TAB2: variants seen among roughly 807,000 people sequenced by gnomAD.
TAB2 encodes TGF-beta activated kinase 1 (MAP3K7) binding protein 2.
A neutral mutation model predicts 65.0 loss-of-function variants in TAB2; 3 were observed. The ratio of observed to expected loss-of-function variants is 0.05; its 90% CI spans 0.02 to 0.12. The LOEUF (loss-of-function observed/expected upper bound fraction) is 0.12, where lower values mean the gene tolerates loss of function less well. TAB2 is among the 10% of genes least tolerant of loss of function. The pLI, the probability that TAB2 is intolerant of heterozygous loss-of-function variation, is 1.00. For synonymous variants in TAB2, 298 were observed against 285.1 expected (o/e 1.05, Z -0.46); for missense variants, 623 against 840.3 (o/e 0.74, Z 3.20).
In TAB2 at chr6:149,380,014, A is replaced by G. The variant is rs369553603; in HGVS notation, c.1603+496A>G. On this transcript the variant is annotated intron_variant, in intron 3 of 6. Coordinates refer to ENST00000637181, the MANE Select transcript of TAB2 (RefSeq NM_001292034.3). ...CAGTGCTTTGGGAGGCCAAGATGGG[A>G]GGATCATTTGAGCCCAGGAGTTTGA... 2.4e-3 allele frequency: 1,055 copies of G among 446,902 alleles called. 6 individuals are homozygous for G. The highest frequency in any genetic ancestry group is 3.9e-3 in the South Asian group (244 of 63,074). 27.7% of individuals were successfully genotyped at this position (446,902 alleles called of 1,614,324 possible).
intron 3 of TAB2, among the ~76,000 whole-genome samples, chr6:149,382,707 T>G (rs370853167): frequency 6.6e-6 from 1 of 152,252 alleles, no homozygotes; most frequent in Non-Finnish European, 1.5e-5. Context: ...GAAAGATATT[T>G]TAAGTGTATC....
At chr6:149,339,246 C>T (rs1462062805) in intron 1 of TAB2, among the ~76,000 whole-genome samples, 2 of 152,010 alleles carry the variant, frequency 1.3e-5, no homozygotes, top group East Asian at 3.9e-4. Context: ...GCCTGTAGTC[C>T]CAGCTACTTG....
chr6:149,391,689 G>T (rs143547362), intron 3 of TAB2, among the ~76,000 whole-genome samples: 1 of 151,878 alleles, frequency 6.6e-6, no homozygotes, highest in East Asian at 1.9e-4. Flanking sequence ...CTACAGGCGC[G>T]CGCCACCATG....
chr6:149,232,518 C>T (rs1703571800), intron 1 of TAB2, among the ~76,000 whole-genome samples: 2 of 152,134 alleles, frequency 1.3e-5, no homozygotes, highest in South Asian at 4.1e-4. Context: ...TGAGCCACCA[C>T]CCTCAGCCCA....
intron 1 of TAB2, among the ~76,000 whole-genome samples, chr6:149,235,256 G>C (rs908606395): frequency 6.6e-6 from 1 of 152,214 alleles, no homozygotes; most frequent in Non-Finnish European, 1.5e-5. Context: ...ATGACACACT[G>C]TAAGAGGGAC....
chr6:149,226,037 G>T (rs1050962001), intron 1 of TAB2, among the ~76,000 whole-genome samples: 6 of 151,996 alleles, frequency 3.9e-5, no homozygotes, highest in African/African-American at 1.4e-4. Context: ...GCGAAACAAG[G>T]GATTAAACTG....
intron 1 of TAB2, among the ~76,000 whole-genome samples, chr6:149,231,908 G>A (rs534563217): frequency 4.6e-5 from 7 of 152,132 alleles, no homozygotes; most frequent in South Asian, 2.1e-4. Context: ...ACAGAGTATC[G>A]GAGAGCAGGG....
At chr6:149,354,136 T>G (rs515133) in intron 1 of TAB2, among the ~76,000 whole-genome samples, 18,612 of 152,258 alleles carry the variant, frequency 0.12, 1,741 homozygotes, top group East Asian at 0.51. Context: ...TGGTCCCAGC[T>G]TCTGCTATCC....
At chr6:149,406,837 GC>G (rs1356162953) in intron 6 of TAB2, among the ~76,000 whole-genome samples, 2 of 152,082 alleles carry the variant, frequency 1.3e-5, no homozygotes, top group Non-Finnish European at 2.9e-5. Flanking sequence ...TCCTGCCTCA[GC>G]TTCCCAAGTA....
intron 1 of TAB2, among the ~76,000 whole-genome samples, chr6:149,353,689 C>T (rs1250125819): frequency 3.9e-5 from 6 of 152,176 alleles, no homozygotes; most frequent in Admixed American, 2.0e-4. Flanking sequence ...GTACAAAAAA[C>T]TTTTTGCGTA....
intron 1 of TAB2, among the ~76,000 whole-genome samples, chr6:149,274,696 G>A (rs538698976): frequency 1.4e-3 from 212 of 152,334 alleles, no homozygotes; most frequent in Non-Finnish European, 2.6e-3. Context: ...AAAAAAGGAA[G>A]ATCAGAGTTC....
chr6:149,310,205 A>C (rs573517983), intron 1 of TAB2, among the ~76,000 whole-genome samples: 58 of 151,990 alleles, frequency 3.8e-4, no homozygotes, highest in Non-Finnish European at 6.6e-4. Context: ...GCCTGATAGC[A>C]TGCCACCTGT....
intron 1 of TAB2, among the ~76,000 whole-genome samples, chr6:149,355,492 C>T (rs1338511817): frequency 1.3e-5 from 2 of 151,650 alleles, no homozygotes; most frequent in Non-Finnish European, 2.9e-5. Flanking sequence ...GTGGAGAAAC[C>T]CCCGTCTCTA....
intron 6 of TAB2, among the ~76,000 whole-genome samples, chr6:149,403,263 TATATATATATATATATATATACACACAC>T (rs1782517826): frequency 2.3e-5 from 1 of 43,634 alleles, no homozygotes; most frequent in African/African-American, 1.3e-4. Flanking sequence ...TATATATATA[TATATATATATATATATATATACACACAC>T]ACACATATAT....
At chr6:149,283,057 AT>A (rs1277475954) in intron 1 of TAB2, among the ~76,000 whole-genome samples, 1 of 152,186 alleles carries the variant, frequency 6.6e-6, no homozygotes, top group East Asian at 1.9e-4. Flanking sequence ...AGAAAGAGTG[AT>A]TTAATATTTA....
rs552162867 is a variant in TAB2, at chr6:149,257,004, G to A, written c.-121+38228G>A. Among the ~76,000 whole-genome samples, 4 of 152,242 alleles carry A rather than the reference G, an allele frequency of 2.6e-5. No individual in the cohort carries two copies. In the South Asian group the frequency reaches 6.2e-4, roughly 24 times the overall value. On this transcript the variant is annotated intron_variant, in intron 1 of 1. Transcript: ENST00000606202. The stretch of plus-strand genomic sequence containing the variant: ...ACCAATCTGATCCCAAACATTTCAC[G>A]TGTAAAATGAAAAAGAATAAAGCTA...
chr6:149,358,308 A>G (rs932089103), intron 1 of TAB2, among the ~76,000 whole-genome samples: 4 of 151,808 alleles, frequency 2.6e-5, no homozygotes, highest in Non-Finnish European at 5.9e-5. Flanking sequence ...AGGTAATTTT[A>G]TACAGTATTT....
intron 1 of TAB2, among the ~76,000 whole-genome samples, chr6:149,293,031 G>A (rs1403623793): frequency 6.7e-6 from 1 of 148,912 alleles, no homozygotes; most frequent in South Asian, 2.1e-4. Flanking sequence ...GGAGTTTCCC[G>A]TTGAGCTTTG....
At chr6:149,275,248 GA>G (rs200296142) in intron 1 of TAB2, among the ~76,000 whole-genome samples, 44 of 120,264 alleles carry the variant, frequency 3.7e-4, no homozygotes, top group African/African-American at 1.5e-3. Flanking sequence ...AAGAAAGAAA[GA>G]AAGAAAGAAA....
Sources: gnomAD v4.1 joint callset for allele counts (sites outside exome capture counted in the v4.1 genomes callset) on GRCh38, gnomAD v4.1.1 for gene constraint, MANE v1.5 for transcripts, NCBI Gene and HGNC (gene_info 2026-07-23, HGNC 2026-07-21) for gene names.